The following EFHB variants were observed in gnomAD, a reference collection of about 807,000 sequenced individuals.
The protein encoded by EFHB is EF-hand domain-containing family member B.
EFHB carries 91 observed loss-of-function variants against 87.2 expected under a neutral mutation model. The ratio of observed to expected loss-of-function variants is 1.04; its 90% CI spans 0.88 to 1.24. The LOEUF (loss-of-function observed/expected upper bound fraction) is 1.24, where lower values mean the gene tolerates loss of function less well. Ranked by LOEUF, EFHB falls within the 50% of genes most tolerant of loss-of-function variation. EFHB has a pLI of 0.00. For synonymous variants in EFHB, 325 were observed against 333.6 expected (o/e 0.97, Z 0.28); for missense variants, 1,084 against 998.8 (o/e 1.09, Z -1.15).
intron 8 of EFHB, 27 bp downstream of exon 8, chr3:19,898,751 T>A: frequency 6.2e-7 from 1 of 1,611,092 alleles, no homozygotes; most frequent in Admixed American, 1.7e-5. Flanking sequence ...GTTTGGGGTT[T>A]TTTACGGAGA....
Position 19,884,526 on chromosome 3 carries a change from T to G in EFHB, c.2023A>C (p.Lys675Gln). 1 of 1,614,004 alleles carries G rather than the reference T, an allele frequency of 6.2e-7. No homozygotes were observed. Among genetic ancestry groups the G allele is most frequent in the Non-Finnish European group, 8.5e-7 (1 of 1,179,890 alleles). Residue 675 changes from lysine to glutamine, a missense_variant, in exon 11 of 13, where the codon AAA (lysine) becomes CAA (glutamine). Transcript: ENST00000295824. Reference protein sequence around the residue: ...LLIKPEDIVLKEAGSTEKTLR... With the variant: ...LLIKPEDIVLQEAGSTEKTLR... ...GTCTTTTCTGTGCTTCCTGCTTCTT[T>G]TAAGACAATATCTTCTGGCTTTATG... is the stretch of plus-strand genomic sequence containing the variant.
chr3:19,905,102 T>C (rs567359900), intron 6 of EFHB, among the ~76,000 whole-genome samples: 2 of 152,242 alleles, frequency 1.3e-5, no homozygotes, highest in African/African-American at 4.8e-5. Context: ...ATAACAAATA[T>C]CAGGTCAAGA....
At chr3:19,945,562 T>C (rs1010656859) in intron 1 of EFHB, among the ~76,000 whole-genome samples, 1 of 152,282 alleles carries the variant, frequency 6.6e-6, no homozygotes, top group Admixed American at 6.5e-5. Context: ...TTAATGCCAG[T>C]CTCTAAGCAG....
chr3:19,907,272 A>T (rs1694871985), intron 5 of EFHB, among the ~76,000 whole-genome samples: 1 of 152,288 alleles, frequency 6.6e-6, no homozygotes, highest in African/African-American at 2.4e-5. Flanking sequence ...GGAAAAAAAT[A>T]TTTGCAAACT....
intron 1 of EFHB, chr3:19,941,114 C>A: frequency 2.6e-6 from 1 of 379,252 alleles, no homozygotes; most frequent in South Asian, 3.8e-5. Flanking sequence ...AGTTCTTTTC[C>A]ATTGAAAAAG....
At chr3:19,884,217 T>C (rs1464228945) in intron 11 of EFHB, 186 bp downstream of exon 11, 14 of 583,534 alleles carry the variant, frequency 2.4e-5, no homozygotes, top group Non-Finnish European at 4.2e-5. Context: ...TTGGTCATCA[T>C]TGGCAATTCC....
intron 4 of EFHB, among the ~76,000 whole-genome samples, chr3:19,916,726 T>C (rs1044061073): frequency 2.6e-5 from 4 of 152,284 alleles, no homozygotes; most frequent in African/African-American, 9.6e-5. Flanking sequence ...CTGTTTTAGA[T>C]AATAATTTGT....
chr3:19,925,503 A>G (rs1250121997), intron 1 of EFHB, among the ~76,000 whole-genome samples: 1 of 151,978 alleles, frequency 6.6e-6, no homozygotes, highest in Non-Finnish European at 1.5e-5. Flanking sequence ...GTCCTAAATA[A>G]CCCTGGCATT....
intron 1 of EFHB, among the ~76,000 whole-genome samples, chr3:19,929,110 G>T (rs1695734611): frequency 6.6e-6 from 1 of 152,076 alleles, no homozygotes; most frequent in South Asian, 2.1e-4. Context: ...AAGAGATTTG[G>T]CAATAGAAAC....
intron 1 of EFHB, among the ~76,000 whole-genome samples, chr3:19,939,737 A>T (rs962269707): frequency 6.8e-6 from 1 of 147,348 alleles, no homozygotes; most frequent in Non-Finnish European, 1.5e-5. Context: ...TTGTAACAGT[A>T]TTTATCCTAC....
chr3:19,946,531 A>G (rs1206768559), intron 1 of EFHB, among the ~76,000 whole-genome samples: 1 of 152,212 alleles, frequency 6.6e-6, no homozygotes, highest in Admixed American at 6.5e-5. Context: ...AAAACCACGT[A>G]AACTCTTAAC....
chr3:19,908,598 G>GAGAAAGAGAGAAAGAA (rs1694938503), intron 5 of EFHB, among the ~76,000 whole-genome samples: 1 of 77,796 alleles, frequency 1.3e-5, no homozygotes, highest in Non-Finnish European at 2.4e-5. Context: ...GAGAGAGAGA[G>GAGAAAGAGAGAAAGAA]AGAAAGAAAG....
At chr3:19,944,166 A>G (rs941748928) in intron 1 of EFHB, among the ~76,000 whole-genome samples, 2 of 152,254 alleles carry the variant, frequency 1.3e-5, no homozygotes, top group Non-Finnish European at 2.9e-5. Context: ...GTCTCCAGAC[A>G]GTTCCAGTTA....
chr3:19,894,561 A>G (rs1694408919), intron 9 of EFHB: 1 of 152,206 alleles, frequency 6.6e-6, no homozygotes, highest in Non-Finnish European at 1.5e-5. Context: ...TAAATGTGGC[A>G]TCCAATAATA....
intron 1 of EFHB, among the ~76,000 whole-genome samples, chr3:19,928,477 A>C (rs951498627): frequency 1.3e-5 from 2 of 152,200 alleles, no homozygotes; most frequent in African/African-American, 4.8e-5. Context: ...TTTGAGGCGG[A>C]GTCTCGCTCT....
Position 19,934,133 on chromosome 3 carries a change from C to G in EFHB, c.-115G>C. Reference sequence around the variant, plus strand: ...GCGGAACCCCTCTCTCAGGAAAGAGCACAACCTCACTCGGACTCCCTGTCC... The same window carrying G: ...GCGGAACCCCTCTCTCAGGAAAGAGGACAACCTCACTCGGACTCCCTGTCC... On this transcript the variant is annotated 5_prime_UTR_variant, in exon 1 of 13. Transcript: ENST00000295824. 5.5e-6 allele frequency: 8 copies of G among 1,459,888 alleles called. No homozygotes were observed. Among genetic ancestry groups the G allele is most frequent in the Non-Finnish European group, 6.3e-6 (7 of 1,113,410 alleles). The allele number at this position is 1,459,888 out of a possible 1,614,324, so 90.4% of individuals were successfully genotyped here.
At position 19,920,521 on chromosome 3, in the gene EFHB, G is replaced by C. The variant is rs1426365382; in HGVS notation, c.836C>G (p.Thr279Ser). The C allele has an allele frequency of 6.2e-7, 1 of 1,603,616 alleles. No individual in the cohort carries two copies. The highest frequency in any genetic ancestry group is 8.5e-7 in the Non-Finnish European group (1 of 1,176,536). ...AGTGCTCACCCTGGGAAGTTTTTCAGTCAAGCAGGTTGCAACTCTGTAACC... is the reference window on the plus strand; with the variant it reads ...AGTGCTCACCCTGGGAAGTTTTTCACTCAAGCAGGTTGCAACTCTGTAACC... ...PVGYRVATCL[T>S]EKLPRLITPP... The change falls in exon 2 of 13, where the codon ACT becomes AGT. Residue 279 changes from threonine (T) to serine (S), a missense_variant. By Grantham distance (58) the Thr-to-Ser change is moderately conservative. Coordinates refer to ENST00000295824, the MANE Select transcript of EFHB (RefSeq NM_144715.4).
intron 5 of EFHB, among the ~76,000 whole-genome samples, chr3:19,913,971 G>T (rs1386749393): frequency 6.6e-6 from 1 of 152,162 alleles, no homozygotes; most frequent in African/African-American, 2.4e-5. Flanking sequence ...GGGAAAACTG[G>T]ATATTCATCT....
In EFHB at chr3:19,891,419, G is replaced by A. The variant is rs566670280; in HGVS notation, c.1726-2768C>T. On this transcript the variant is annotated intron_variant, in intron 9 of 12. Transcript: ENST00000295824. ...TCTGTCACCTGAAGCAAAGCCACTG[G>A]CTCAAGAGGACCCTCAATTCACAGA... Among the ~76,000 whole-genome samples, 76 of 152,262 alleles carry A rather than the reference G, an allele frequency of 5.0e-4. 1 individual carries two copies. The highest frequency in any genetic ancestry group is 7.8e-4 in the Admixed American group (12 of 15,290).
Sources: allele counts gnomAD v4.1 joint callset (sites outside exome capture counted in the v4.1 genomes callset), GRCh38; gene constraint gnomAD v4.1.1; transcripts MANE v1.5; gene names NCBI Gene and HGNC (gene_info 2026-07-23, HGNC 2026-07-21).